The following ZNF592 variants were observed in gnomAD, a reference collection of about 807,000 sequenced individuals.
ZNF592 encodes zinc finger protein 592, also known as spinocerebellar ataxia, autosomal recessive 5.
Under a neutral mutation model 80.3 loss-of-function variants are expected in ZNF592, and 11 were observed. That is an observed-to-expected ratio of 0.14 (90% CI 0.09 to 0.23). The LOEUF (loss-of-function observed/expected upper bound fraction) is 0.23. ZNF592 is among the 10% of genes least tolerant of loss of function. The pLI is 1.00. For missense variants in ZNF592, 1,420 were observed against 1,633.9 expected (o/e 0.87, Z 2.26); for synonymous variants, 646 against 640.3 (o/e 1.01, Z -0.13).
intron 5 of ZNF592, 92 bp from the exon 6 acceptor site, chr15:84,797,777 T>C: frequency 7.0e-7 from 1 of 1,432,988 alleles, no homozygotes; most frequent in Non-Finnish European, 9.8e-7. Context: ...ATAGTTCTGT[T>C]CCTCTTCTCC....
chr15:84,787,148 G>A (rs1377904847), intron 4 of ZNF592, among the ~76,000 whole-genome samples: 1 of 152,066 alleles, frequency 6.6e-6, no homozygotes, highest in Non-Finnish European at 1.5e-5. Context: ...CATCACACCC[G>A]CCTCCTTGTG....
intron 1 of ZNF592, among the ~76,000 whole-genome samples, chr15:84,757,156 A>G (rs1238412103): frequency 1.3e-5 from 2 of 151,956 alleles, no homozygotes; most frequent in African/African-American, 2.4e-5. Context: ...GGGTCTTGCT[A>G]TATTGACCAA....
intron 2 of ZNF592, among the ~76,000 whole-genome samples, chr15:84,769,392 G>T (rs920595881): frequency 2.0e-5 from 3 of 152,042 alleles, no homozygotes; most frequent in East Asian, 1.9e-4. Context: ...AAGATTGATG[G>T]TTGGGTTGGG....
chr15:84,792,543 C>T (rs11073716), intron 5 of ZNF592, among the ~76,000 whole-genome samples: 64,283 of 151,928 alleles, frequency 0.42, 13,733 homozygotes, highest in East Asian at 0.55. Flanking sequence ...CTTGACCTCC[C>T]GAGCTCAGGT....
intron 1 of ZNF592, among the ~76,000 whole-genome samples, chr15:84,752,179 T>C (rs897011080): frequency 2.0e-5 from 3 of 152,252 alleles, no homozygotes; most frequent in African/African-American, 4.8e-5. Context: ...GTGACTTTTT[T>C]TTCCTCTCAT....
In ZNF592 at chr15:84,777,336, G is replaced by A. The variant is rs538425098; in HGVS notation, c.-149-847G>A. On this transcript the variant is annotated intron_variant, in intron 2 of 10. Coordinates refer to ENST00000560079, the MANE Select transcript of ZNF592 (RefSeq NM_014630.3). The stretch of plus-strand genomic sequence containing the variant: ...TACTAAAAATACAAAAATTAGACGG[G>A]CGTGGTGATGCATGTCTGTAGTCCC... 1.4e-4 allele frequency among the ~76,000 whole-genome samples: 22 copies of A among 151,946 alleles called. No homozygotes were observed. The East Asian group carries it at 4.1e-3, about 28-fold the overall frequency.
Position 84,782,898 on chromosome 15 carries a change from C to T in ZNF592, c.223C>T (p.Arg75Cys), listed in dbSNP as rs368987221. The T allele has an allele frequency of 6.9e-5, 112 of 1,614,036 alleles. No homozygotes were observed. The highest frequency in any genetic ancestry group is 8.9e-5 in the Non-Finnish European group (105 of 1,180,048). The change falls in exon 4 of 11, where the codon CGC becomes TGC. Residue 75 changes from arginine (R) to cysteine (C), a missense_variant. By Grantham distance (180) the Arg-to-Cys change is radical. Around this residue, in one of 7 missense-constraint regions of ZNF592, gnomAD observed 373 missense variants for 355.5 expected, o/e 1.05. Coordinates refer to ENST00000560079, the MANE Select transcript of ZNF592 (RefSeq NM_014630.3). ...AVSVIVKNTS[R>C]QESFEAEKDH... Reference sequence around the variant, plus strand: ...GAGTGTCATTGTCAAGAACACCAGCCGCCAGGAGTCATTTGAAGCGGAGAA... The same window carrying T: ...GAGTGTCATTGTCAAGAACACCAGCTGCCAGGAGTCATTTGAAGCGGAGAA...
chr15:84,767,273 G>T (rs941656381), intron 2 of ZNF592, among the ~76,000 whole-genome samples: 1 of 152,096 alleles, frequency 6.6e-6, no homozygotes, highest in African/African-American at 2.4e-5. Flanking sequence ...CGATCCGCCC[G>T]CCTCGGCCTC....
At chr15:84,791,287 T>C (rs904653799) in intron 5 of ZNF592, among the ~76,000 whole-genome samples, 20 of 152,232 alleles carry the variant, frequency 1.3e-4, no homozygotes, top group African/African-American at 2.7e-4. Context: ...CAAATGGGGC[T>C]GCAAGATGCC....
At position 84,783,702 on chromosome 15, in the gene ZNF592, A is replaced by T; in HGVS notation, c.1027A>T (p.Ile343Phe). ...CCCTCTGGAGGCCACTAGAAAAAGT[A>T]TCAAGCCATCGGACAGCCCTCGTAG... is the stretch of plus-strand genomic sequence containing the variant. Reference protein sequence around the residue: ...RSPLEATRKSIKPSDSPRSIC... With the variant: ...RSPLEATRKSFKPSDSPRSIC... The change falls in exon 4 of 11, where the codon ATC (isoleucine) becomes TTC (phenylalanine). Residue 343 changes from isoleucine to phenylalanine, a missense_variant. By Grantham distance (21) the Ile-to-Phe change is conservative. This residue lies in a region of ZNF592 where 524 missense variants were observed against 628.3 expected (regional missense o/e 0.83). Transcript: ENST00000560079. The surrounding 1 kb of genome is among the most constrained non-coding windows in gnomAD (Gnocchi z 5.0). 2 of 1,614,238 alleles carry T rather than the reference A, an allele frequency of 1.2e-6. No homozygotes were observed. Among genetic ancestry groups the T allele is most frequent in the Non-Finnish European group, 8.5e-7 (1 of 1,180,030 alleles).
At chr15:84,796,267 T>TTTTA (rs1962913777) in intron 5 of ZNF592, among the ~76,000 whole-genome samples, 1 of 44,250 alleles carries the variant, frequency 2.3e-5, no homozygotes, top group Non-Finnish European at 3.4e-5. Context: ...TATATATATT[T>TTTTA]TATATATATA....
chr15:84,756,846 T>A (rs1899187120), intron 1 of ZNF592, among the ~76,000 whole-genome samples: 1 of 152,082 alleles, frequency 6.6e-6, no homozygotes. Flanking sequence ...GCACAGTGGC[T>A]CACTCCTGTA....
chr15:84,784,762 C>T lies in ZNF592; in HGVS notation c.2087C>T (p.Ala696Val). The T allele has an allele frequency of 1.9e-6, 3 of 1,614,158 alleles. No homozygotes were observed. Among genetic ancestry groups the T allele is most frequent in the Non-Finnish European group, 1.7e-6 (2 of 1,180,030 alleles). ...GGCAGTGCCAGTCCCCCTCCTCCAG[C>T]CTTGCCACTCTACCCAGACCCTGTG... ...TSGSASPPPPALPLYPDPVRL... is the reference protein window; with the variant it reads ...TSGSASPPPPVLPLYPDPVRL... Residue 696 changes from alanine (A) to valine (V), a missense_variant, in exon 4 of 11, where the codon GCC becomes GTC. By Grantham distance (64) the Ala-to-Val change is moderately conservative. Transcript: ENST00000560079. The surrounding 1 kb of genome is among the most constrained non-coding windows in gnomAD (Gnocchi z 5.8).
chr15:84,806,419 A>C lies in ZNF592; in HGVS notation c.*4026A>C, dbSNP rs946807340. 2.0e-5 allele frequency: 3 copies of C among 152,262 alleles called. No individual in the cohort carries two copies. The highest frequency in any genetic ancestry group is 4.4e-5 in the Non-Finnish European group (3 of 68,050). The allele number at this position is 152,262 out of a possible 1,614,324, so 9.4% of individuals were successfully genotyped here. A position where few individuals can be genotyped will look rare whatever the true frequency, so the allele number is the denominator to read the frequency against. ...TAACATTTTAGAGAAATTAAAAAGC[A>C]CACATATTTATAATCTCTTCCTCTT... On this transcript the variant is annotated 3_prime_UTR_variant, in exon 11 of 11. Coordinates refer to ENST00000560079, the MANE Select transcript of ZNF592 (RefSeq NM_014630.3).
In ZNF592 at chr15:84,784,169, C is replaced by T. The variant is rs747477422; in HGVS notation, c.1494C>T (p.Leu498=). The T allele has an allele frequency of 4.3e-6, 7 of 1,614,080 alleles. No individual in the cohort carries two copies. The highest frequency in any genetic ancestry group is 2.2e-5 in the East Asian group (1 of 44,898). ...CATCCACCCTGGCCCCTGCCAACCT[C>T]CTGCCCAAAGCCGTGCACTTGGCCA... The part of the protein sequence containing the change: ...LQASTLAPAN[L]LPKAVHLANL... The change falls in exon 4 of 11, where the codon CTC becomes CTT. Residue 498 remains leucine, a synonymous_variant. Coordinates refer to ENST00000560079, the MANE Select transcript of ZNF592 (RefSeq NM_014630.3). This position sits in a 1 kb window ranked among gnomAD's most constrained non-coding sequence, Gnocchi z 5.8.
intron 2 of ZNF592, among the ~76,000 whole-genome samples, chr15:84,766,675 G>C (rs1385608685): frequency 6.6e-6 from 1 of 150,918 alleles, no homozygotes; most frequent in East Asian, 2.0e-4. Flanking sequence ...GTACCGTGGA[G>C]GAAGGAATAG....
chr15:84,769,292 A>G (rs1899629843), intron 2 of ZNF592, among the ~76,000 whole-genome samples: 1 of 152,084 alleles, frequency 6.6e-6, no homozygotes, highest in Non-Finnish European at 1.5e-5. Context: ...ACTGGAATTT[A>G]CAGAAAGACA....
intron 5 of ZNF592, 125 bp from the exon 6 acceptor site, chr15:84,797,744 T>TGAGGGAGGGA: frequency 2.7e-6 from 3 of 1,107,446 alleles, no homozygotes; most frequent in Non-Finnish European, 4.1e-6. Flanking sequence ...TCCAAGTGAT[T>TGAGGGAGGGA]GAGGGAGGGA....
At chr15:84,753,735 A>C (rs1392798721) in intron 1 of ZNF592, among the ~76,000 whole-genome samples, 1 of 152,178 alleles carries the variant, frequency 6.6e-6, no homozygotes, top group East Asian at 1.9e-4. Flanking sequence ...GGCCTCCTAA[A>C]GTGCTGGGAT....
Sources: allele counts gnomAD v4.1 joint callset (sites outside exome capture counted in the v4.1 genomes callset), GRCh38; gene constraint gnomAD v4.1.1; regional missense constraint gnomAD v4.1.1; non-coding constraint Gnocchi (gnomAD v3.1); transcripts MANE v1.5; gene names NCBI Gene and HGNC (gene_info 2026-07-23, HGNC 2026-07-21).